CASD1: variants seen among roughly 807,000 people sequenced by gnomAD.
CASD1 encodes CAS1 domain sialic acid O acetyltransferase 1, also known as N-acetylneuraminate (7)9-O-acetyltransferase.
A neutral mutation model predicts 100.0 loss-of-function variants in CASD1; 41 were observed. The observed-to-expected ratio is 0.41, with a 90% CI of 0.32 to 0.53. The LOEUF is 0.53. Ranked by LOEUF, CASD1 falls within the 20% of genes least tolerant of loss-of-function variation. The pLI is 0.25. For missense variants in CASD1, 774 were observed against 948.7 expected (o/e 0.82, Z 2.42); for synonymous variants, 321 against 315.6 (o/e 1.02, Z -0.18).
At chr7:94,574,418 T>G in the CASD1 span, among the ~76,000 whole-genome samples, 28 of 152,128 alleles carry the variant, frequency 1.8e-4, no homozygotes, top group Admixed American at 7.2e-4. Flanking sequence ...TTGTTATTAG[T>G]CTGTTCAGGG....
chr7:94,563,629 A>G, the CASD1 span, among the ~76,000 whole-genome samples: 1 of 151,882 alleles, frequency 6.6e-6, no homozygotes, highest in Non-Finnish European at 1.5e-5. Flanking sequence ...TGTTTTATCA[A>G]ATCCATACAT....
chr7:94,566,530 TA>T, the CASD1 span, among the ~76,000 whole-genome samples: 1 of 152,174 alleles, frequency 6.6e-6, no homozygotes, highest in Non-Finnish European at 1.5e-5. Context: ...CAATTTTTTT[TA>T]AACACAGGTT....
At chr7:94,524,172 C>A (rs1427036530) in intron 3 of CASD1, 1 of 151,682 alleles carries the variant, frequency 6.6e-6, no homozygotes, top group East Asian at 1.9e-4. Flanking sequence ...ACAAAAAGTG[C>A]TAACCATAAA....
chr7:94,623,059 A>G, the CASD1 span, among the ~76,000 whole-genome samples: 17,747 of 152,144 alleles, frequency 0.12, 1,370 homozygotes, highest in South Asian at 0.24. Context: ...TGCTACTGTT[A>G]GTCCCATTTT....
intron 17 of CASD1, among the ~76,000 whole-genome samples, chr7:94,554,824 C>T (rs1004731499): frequency 6.6e-6 from 1 of 152,032 alleles, no homozygotes; most frequent in Non-Finnish European, 1.5e-5. Context: ...ATATTATTTA[C>T]GTTGTCTTGA....
At chr7:94,537,305 T>G (rs926851767) in intron 8 of CASD1, among the ~76,000 whole-genome samples, 167 bp from the exon 9 acceptor site, 2 of 152,176 alleles carry the variant, frequency 1.3e-5, no homozygotes, top group African/African-American at 4.8e-5. Flanking sequence ...AACTAGCTGT[T>G]ACAGATGGAA....
chr7:94,565,915 C>A, the CASD1 span, among the ~76,000 whole-genome samples: 1 of 152,150 alleles, frequency 6.6e-6, no homozygotes, highest in Admixed American at 6.6e-5. Context: ...GTAAGAAGAG[C>A]TTCAGAATGC....
chr7:94,522,614 G>A (rs1485771987), intron 3 of CASD1, among the ~76,000 whole-genome samples: 1 of 152,020 alleles, frequency 6.6e-6, no homozygotes, highest in Non-Finnish European at 1.5e-5. Flanking sequence ...TACAATCAGG[G>A]AAATGTTTGT....
the CASD1 span, among the ~76,000 whole-genome samples, chr7:94,571,970 G>A: frequency 6.6e-6 from 1 of 151,990 alleles, no homozygotes; most frequent in African/African-American, 2.4e-5. Flanking sequence ...GGGGCTTCTA[G>A]GAAACATAGA....
rs769821074 is a variant in CASD1 at position 94,554,477 on chromosome 7, C to A, written c.2035-6C>A. 3 of 1,575,574 alleles carry A rather than the reference C, an allele frequency of 1.9e-6. No individual in the cohort carries two copies. In the African/African-American group the frequency reaches 4.1e-5, roughly 21 times the overall value. On this transcript the variant is annotated splice_polypyrimidine_tract_variant and splice_region_variant and intron_variant, in intron 16 of 17. Coordinates refer to ENST00000297273, the MANE Select transcript of CASD1 (RefSeq NM_022900.5). ...ATTAATATTTGCTTTTGTGCTTTTT[C>A]TTTAGATTTTAGCCTTCATCCTAAT...
At chr7:94,631,201 C>G in the CASD1 span, among the ~76,000 whole-genome samples, 1 of 151,946 alleles carries the variant, frequency 6.6e-6, no homozygotes, top group East Asian at 1.9e-4. Flanking sequence ...TACCCAACTT[C>G]TACTCAAGAA....
Position 94,535,422 on chromosome 7 carries a change from A to G in CASD1, c.742A>G (p.Lys248Glu), listed in dbSNP as rs1343685224. 6.2e-7 allele frequency: 1 copy of G among 1,613,396 alleles called. No homozygotes were observed. The highest frequency in any genetic ancestry group is 8.5e-7 in the Non-Finnish European group (1 of 1,179,582). Reference protein sequence around the residue: ...SILNSSTRNSKSNVKMFSVSK... With the variant: ...SILNSSTRNSESNVKMFSVSK... ...TTTGAATAGTAGCACCAGAAATTCT[A>G]AATCAAATGTTAAGATGTTCAGTGT... The change falls in exon 8 of 18, where the codon AAA becomes GAA. Residue 248 changes from lysine to glutamate, a missense_variant. Physicochemically the swap from Lys to Glu is moderately conservative, Grantham distance 56 (BLOSUM62 1). This residue lies in a region of CASD1 where 453 missense variants were observed against 532.6 expected (regional missense o/e 0.85). Coordinates refer to ENST00000297273, the MANE Select transcript of CASD1 (RefSeq NM_022900.5).
At position 94,515,823 on chromosome 7, in the gene CASD1, T is replaced by A. The variant is rs536578246; in HGVS notation, c.134-1737T>A. Among the ~76,000 whole-genome samples, 19 of 152,254 alleles carry A rather than the reference T, an allele frequency of 1.2e-4. 2 individuals are homozygous for A. The highest frequency in any genetic ancestry group is 3.8e-4 in the African/African-American group (16 of 41,574). On this transcript the variant is annotated intron_variant, in intron 1 of 17. Transcript: ENST00000297273. ...AGTTATTTACAACTTACAGCTTTTT[T>A]AAAAAATAGATGTTTTGCTAACTTT... is the stretch of plus-strand genomic sequence containing the variant.
rs1451979256 is a variant in CASD1 at position 94,545,715 on chromosome 7, C to T, written c.1633+14C>T. ...AAAAAGCAAACGGTAAATATACTTT[C>T]TTACTAATGTTAGTAAATATATTTT... On this transcript the variant is annotated intron_variant, in intron 12 of 17. Transcript: ENST00000297273. 3 of 1,521,772 alleles carry T rather than the reference C, an allele frequency of 2.0e-6. No homozygotes were observed. The African/African-American group carries it at 4.2e-5, about 21-fold the overall frequency. The allele number at this position is 1,521,772 out of a possible 1,614,324, so 94.3% of individuals were successfully genotyped here. A position where few individuals can be genotyped will look rare whatever the true frequency, so the allele number is the denominator to read the frequency against.
rs996064288 is a variant in CASD1 at position 94,548,775 on chromosome 7, A to G, written c.1714-758A>G. 5.3e-5 allele frequency among the ~76,000 whole-genome samples: 8 copies of G among 151,756 alleles called. 1 individual carries two copies. Among genetic ancestry groups the G allele is most frequent in the African/African-American group, 1.9e-4 (8 of 41,368 alleles). On this transcript the variant is annotated intron_variant, in intron 13 of 17. Coordinates refer to ENST00000297273, the MANE Select transcript of CASD1 (RefSeq NM_022900.5). ...AGGTCTAGTAATGGAGCTTTCCTTGATAGAGTTCATTGTGATTCTTTATTC... is the reference window on the plus strand; with the variant it reads ...AGGTCTAGTAATGGAGCTTTCCTTGGTAGAGTTCATTGTGATTCTTTATTC...
Position 94,541,537 on chromosome 7 carries a change from G to GTTTTTTT in CASD1, c.1356+2505_1356+2511dup, listed in dbSNP as rs56786123. ...ACAGTAGGTGATTTGTGTTCCACTG[G>GTTTTTTT]TTTTTTTTTTTTTTTTTTTTTTTTT... is the stretch of plus-strand genomic sequence containing the variant. On this transcript the variant is annotated intron_variant, in intron 10 of 17. Transcript: ENST00000297273. Among the ~76,000 whole-genome samples, 10 of 60,116 alleles carry GTTTTTTT rather than the reference G, an allele frequency of 1.7e-4. 1 individual carries two copies. The highest frequency in any genetic ancestry group is 6.0e-4 in the Admixed American group (2 of 3,360). 39.4% of individuals were successfully genotyped at this position (60,116 alleles called of 152,430 possible).
chr7:94,581,171 A>G, the CASD1 span, among the ~76,000 whole-genome samples: 76 of 152,328 alleles, frequency 5.0e-4, no homozygotes, highest in Middle Eastern at 6.8e-3. Context: ...TAAATTAGAA[A>G]TTGCTTGGTG....
At chr7:94,519,550 G>T (rs995727658) in intron 3 of CASD1, among the ~76,000 whole-genome samples, 25 of 152,076 alleles carry the variant, frequency 1.6e-4, no homozygotes, top group African/African-American at 6.0e-4. Context: ...CATTTTATTT[G>T]CTATCTGTAT....
intron 3 of CASD1, among the ~76,000 whole-genome samples, chr7:94,519,243 A>ATCT (rs1477984670): frequency 1.3e-5 from 2 of 152,160 alleles, no homozygotes; most frequent in Non-Finnish European, 2.9e-5. Flanking sequence ...ATCTCATCAT[A>ATCT]TCTTCTGTTT....
Sources: gnomAD v4.1 joint callset for allele counts (sites outside exome capture counted in the v4.1 genomes callset) on GRCh38, gnomAD v4.1.1 for gene constraint, gnomAD v4.1.1 regional missense constraint, MANE v1.5 for transcripts, NCBI Gene and HGNC (gene_info 2026-07-23, HGNC 2026-07-21) for gene names.